EYA4: variants seen among roughly 807,000 people sequenced by gnomAD.
The protein encoded by EYA4 is protein phosphatase EYA4.
Under a neutral mutation model 87.9 loss-of-function variants are expected in EYA4, and 31 were observed. The ratio of observed to expected loss-of-function variants is 0.35; its 90% CI spans 0.27 to 0.48. The LOEUF (loss-of-function observed/expected upper bound fraction) is 0.48. Among genes scored for constraint, EYA4 ranks in the 20% least tolerant of loss-of-function variants. The probability of loss-of-function intolerance (pLI) is 0.99; values close to 1 mark genes in which losing one functional copy is unlikely to be tolerated. For synonymous variants in EYA4, 263 were observed against 270.6 expected, an observed-to-expected ratio of 0.97 and a Z score of 0.28; for missense variants, 678 against 761.4, an observed-to-expected ratio of 0.89 and a Z score of 1.29.
At chr6:133,271,165 C>T (rs978123798) in intron 1 of EYA4, among the ~76,000 whole-genome samples, 15 of 152,084 alleles carry the variant, frequency 9.9e-5, no homozygotes, top group African/African-American at 3.6e-4. Context: ...GAGACAGTGC[C>T]ATATATTGGA....
chr6:133,402,320 T>C (rs1788338036), intron 3 of EYA4, among the ~76,000 whole-genome samples: 1 of 152,162 alleles, frequency 6.6e-6, no homozygotes, highest in South Asian at 2.1e-4. Flanking sequence ...AAAACCACTT[T>C]GGTACATCTG....
chr6:133,289,187 C>G (rs1375680563), intron 2 of EYA4, among the ~76,000 whole-genome samples: 1 of 152,110 alleles, frequency 6.6e-6, no homozygotes, highest in Non-Finnish European at 1.5e-5. Context: ...AGAAGGTGAA[C>G]TAGCTGGAGA....
At chr6:133,395,922 T>G (rs925347584) in intron 3 of EYA4, among the ~76,000 whole-genome samples, 1 of 152,222 alleles carries the variant, frequency 6.6e-6, no homozygotes, top group Non-Finnish European at 1.5e-5. Context: ...GCATGATGAA[T>G]TTAATGGTTA....
At chr6:133,318,080 G>A (rs1226716158) in intron 2 of EYA4, among the ~76,000 whole-genome samples, 1 of 152,188 alleles carries the variant, frequency 6.6e-6, no homozygotes, top group East Asian at 1.9e-4. Context: ...GAAGTCACCT[G>A]TAATTGTTTA....
intron 2 of EYA4, among the ~76,000 whole-genome samples, chr6:133,280,170 A>C (rs1777504658): frequency 6.6e-6 from 1 of 152,166 alleles, no homozygotes; most frequent in Non-Finnish European, 1.5e-5. Flanking sequence ...TACAACATGT[A>C]ATTTTTATAC....
intron 2 of EYA4, among the ~76,000 whole-genome samples, chr6:133,305,060 C>T (rs1439548704): frequency 6.6e-6 from 1 of 152,122 alleles, no homozygotes; most frequent in Admixed American, 6.6e-5. Context: ...GACCTGAGGA[C>T]ATGGAGGCCC....
chr6:133,522,912 G>A, intron 17 of EYA4, 144 bp from the exon 18 acceptor site: 1 of 675,032 alleles, frequency 1.5e-6, no homozygotes, highest in Non-Finnish European at 2.6e-6. Context: ...TATTGGAGGA[G>A]TGTCTGTCTG....
At chr6:133,339,036 C>G (rs2765784) in intron 2 of EYA4, among the ~76,000 whole-genome samples, 108,486 of 152,036 alleles carry the variant, frequency 0.71, 39,104 homozygotes, top group African/African-American at 0.81. Flanking sequence ...AATCAGTGCT[C>G]GGGGTGCAGG....
chr6:133,268,817 G>A (rs1410107909), intron 1 of EYA4, among the ~76,000 whole-genome samples: 1 of 152,116 alleles, frequency 6.6e-6, no homozygotes, highest in Non-Finnish European at 1.5e-5. Context: ...GAGGGAGAGT[G>A]GGAGGAGGAA....
chr6:133,395,754 T>C (rs1787732916), intron 3 of EYA4, among the ~76,000 whole-genome samples: 1 of 152,108 alleles, frequency 6.6e-6, no homozygotes, highest in African/African-American at 2.4e-5. Context: ...GAGCAAGACT[T>C]CGTCTAAAAA....
At chr6:133,376,192 T>C (rs1998836) in intron 2 of EYA4, among the ~76,000 whole-genome samples, 13,634 of 151,920 alleles carry the variant, frequency 0.09, 764 homozygotes, top group East Asian at 0.15. Context: ...TTCTATCTGC[T>C]TATCCATGTT....
chr6:133,379,333 G>A (rs1408316432), intron 2 of EYA4, among the ~76,000 whole-genome samples: 1 of 152,034 alleles, frequency 6.6e-6, no homozygotes, highest in African/African-American at 2.4e-5. Flanking sequence ...GTCAGCACTT[G>A]CCATTTAATG....
intron 2 of EYA4, among the ~76,000 whole-genome samples, chr6:133,326,408 A>T (rs577594109): frequency 6.6e-6 from 1 of 152,362 alleles, no homozygotes; most frequent in African/African-American, 2.4e-5. Context: ...TGGGATGCTC[A>T]ACTGGTATAA....
At chr6:133,246,518 A>C (rs1033992518) in intron 1 of EYA4, among the ~76,000 whole-genome samples, 2 of 152,014 alleles carry the variant, frequency 1.3e-5, no homozygotes, top group Non-Finnish European at 2.9e-5. Flanking sequence ...CTATTATCAC[A>C]TGAATATTTT....
chr6:133,252,989 A>T (rs201984623), intron 1 of EYA4, among the ~76,000 whole-genome samples: 25,733 of 119,632 alleles, frequency 0.22, 2,364 homozygotes, highest in African/African-American at 0.25. Flanking sequence ...ACACACACAC[A>T]CTCACTCTCT....
intron 2 of EYA4, among the ~76,000 whole-genome samples, chr6:133,348,261 GTTTTTTTTTTTTTTT>G (rs35905853): frequency 1.3e-4 from 9 of 68,782 alleles, no homozygotes; most frequent in Middle Eastern, 0.01. Flanking sequence ...TCTTCAAGTA[GTTTTTTTTTTTTTTT>G]TTTTTTTTTT....
chr6:133,525,254 G>C lies in EYA4; in HGVS notation c.1839G>C (p.Lys613Asn). ...TAGAAGAAGAACAGGCAGCAAAAAA[G>C]GTAACCTGTCTCAAACAATGTCGGT... Reference protein sequence around the residue: ...DGVEEEQAAKKHNMPFWRISS... With the variant: ...DGVEEEQAAKNHNMPFWRISS... Residue 613 changes from lysine to asparagine, a missense_variant and splice_region_variant, in exon 19 of 20, where the codon AAG becomes AAC. Physicochemically the swap from Lys to Asn is moderately conservative, Grantham distance 94 (BLOSUM62 0). Coordinates refer to ENST00000355286, the MANE Select transcript of EYA4 (RefSeq NM_004100.5). 6.2e-7 allele frequency: 1 copy of C among 1,611,446 alleles called. No individual in the cohort carries two copies. The highest frequency in any genetic ancestry group is 8.5e-7 in the Non-Finnish European group (1 of 1,177,806).
At chr6:133,290,012 C>G (rs563259361) in intron 2 of EYA4, among the ~76,000 whole-genome samples, 1 of 152,166 alleles carries the variant, frequency 6.6e-6, no homozygotes, top group East Asian at 1.9e-4. Flanking sequence ...GGTTGACACA[C>G]GTGGACAGTA....
chr6:133,342,422 A>G (rs1782849292), intron 2 of EYA4, among the ~76,000 whole-genome samples: 1 of 148,330 alleles, frequency 6.7e-6, no homozygotes, highest in Non-Finnish European at 1.5e-5. Flanking sequence ...TTCTGGGTCC[A>G]TCCAAGGGAA....
Sources: gnomAD v4.1 joint callset for allele counts (sites outside exome capture counted in the v4.1 genomes callset) on GRCh38, gnomAD v4.1.1 for gene constraint, MANE v1.5 for transcripts, NCBI Gene and HGNC (gene_info 2026-07-23, HGNC 2026-07-21) for gene names.